Variants in TPRG1 observed in about 807,000 individuals in gnomAD.
TPRG1 encodes tumor protein p63-regulated gene 1 protein.
A neutral mutation model predicts 29.3 loss-of-function variants in TPRG1; 29 were observed. That is an observed-to-expected ratio of 0.99 (90% CI 0.74 to 1.35). The LOEUF (loss-of-function observed/expected upper bound fraction) is 1.35. TPRG1 is among the 40% of genes most tolerant of loss of function. TPRG1 has a pLI of 0.00. For synonymous variants in TPRG1, 130 were observed against 116.8 expected, an observed-to-expected ratio of 1.11 and a Z score of -0.73; for missense variants, 327 against 335.0, an observed-to-expected ratio of 0.98 and a Z score of 0.19.
chr3:189,239,662 G>A lies in TPRG1; in HGVS notation c.479+753G>A, dbSNP rs77313450. 5.6e-3 allele frequency among the ~76,000 whole-genome samples: 849 copies of A among 152,266 alleles called. 3 individuals carry two copies. The highest frequency in any genetic ancestry group is 0.017 in the African/African-American group (714 of 41,566). ...CCAAAGGGGAAGAACATTCCAAAGC[G>A]GTAGCTAAAAAGAGTAATGCCTCTG... On this transcript the variant is annotated intron_variant, in intron 4 of 5. Coordinates refer to ENST00000345063, the MANE Select transcript of TPRG1 (RefSeq NM_198485.4).
intron 3 of TPRG1, among the ~76,000 whole-genome samples, chr3:189,014,169 T>C (rs940623638): frequency 6.6e-6 from 1 of 152,220 alleles, no homozygotes; most frequent in African/African-American, 2.4e-5. Context: ...ATTTAGTGTT[T>C]CTTTCAGAAG....
At chr3:189,278,998 G>A (rs1560642044) in intron 4 of TPRG1, among the ~76,000 whole-genome samples, 1 of 152,200 alleles carries the variant, frequency 6.6e-6, no homozygotes, top group African/African-American at 2.4e-5. Flanking sequence ...TGACATCAGA[G>A]TTGTTCTAGT....
At chr3:189,197,273 T>G (rs1055059385) in intron 1 of TPRG1, among the ~76,000 whole-genome samples, 1 of 152,198 alleles carries the variant, frequency 6.6e-6, no homozygotes, top group Non-Finnish European at 1.5e-5. Flanking sequence ...TCTGCTTCTT[T>G]CTTGTTCATC....
intron 4 of TPRG1, among the ~76,000 whole-genome samples, chr3:189,240,101 G>A (rs1740288430): frequency 6.6e-6 from 1 of 152,020 alleles, no homozygotes; most frequent in South Asian, 2.1e-4. Context: ...AAAAGCACGA[G>A]TTCATCAAGT....
In TPRG1 at chr3:189,019,282, G is replaced by A. The variant is rs1333460550; in HGVS notation, c.-659-4468G>A. Among the ~76,000 whole-genome samples, 9 of 152,020 alleles carry A rather than the reference G, an allele frequency of 5.9e-5. No homozygotes were observed. In the East Asian group the frequency reaches 7.7e-4, roughly 13 times the overall value. Reference sequence around the variant, plus strand: ...TCCAACACTATGTTGAATAGGAGTCGTGAGAGAGGGCATCCCTGTCTTGTG... The same window carrying A: ...TCCAACACTATGTTGAATAGGAGTCATGAGAGAGGGCATCCCTGTCTTGTG... On this transcript the variant is annotated intron_variant, in intron 3 of 10. Transcript: ENST00000433971.
chr3:189,289,200 C>T (rs938123393), intron 4 of TPRG1, among the ~76,000 whole-genome samples: 1 of 152,190 alleles, frequency 6.6e-6, no homozygotes. Context: ...CCTTAAAAAC[C>T]TGCTTCTCTT....
At chr3:189,252,804 TA>T (rs1742499500) in intron 4 of TPRG1, among the ~76,000 whole-genome samples, 1 of 152,182 alleles carries the variant, frequency 6.6e-6, no homozygotes, top group Middle Eastern at 3.2e-3. Flanking sequence ...AGTGCTAAAA[TA>T]AAGTTTTCAT....
intron 5 of TPRG1, among the ~76,000 whole-genome samples, chr3:189,159,132 C>T (rs1175184741): frequency 6.6e-6 from 1 of 152,064 alleles, no homozygotes; most frequent in Admixed American, 6.6e-5. Context: ...TGGGTTTGTG[C>T]CATTTTGTTT....
chr3:189,044,028 T>C (rs944503306), intron 4 of TPRG1, among the ~76,000 whole-genome samples: 3 of 152,136 alleles, frequency 2.0e-5, no homozygotes, highest in African/African-American at 7.2e-5. Context: ...CTGGTGTCTG[T>C]GTCTGCTACA....
At chr3:189,121,167 G>A (rs992663611) in intron 1 of TPRG1, 2 of 152,188 alleles carry the variant, frequency 1.3e-5, no homozygotes. Context: ...AGATAAACCT[G>A]AGAGTTTGTA....
At chr3:189,291,683 C>T (rs1319531037) in intron 4 of TPRG1, among the ~76,000 whole-genome samples, 1 of 152,336 alleles carries the variant, frequency 6.6e-6, no homozygotes, top group East Asian at 1.9e-4. Flanking sequence ...AGCCAAGTCC[C>T]TGTTTTAGTG....
At chr3:189,153,178 T>C (rs1726194668) in intron 5 of TPRG1, among the ~76,000 whole-genome samples, 1 of 152,238 alleles carries the variant, frequency 6.6e-6, no homozygotes, top group South Asian at 2.1e-4. Context: ...TCGTCATCCC[T>C]ATGTATTGAG....
intron 1 of TPRG1, among the ~76,000 whole-genome samples, chr3:189,191,154 G>A (rs2108741384): frequency 6.6e-6 from 1 of 152,140 alleles, no homozygotes; most frequent in African/African-American, 2.4e-5. Context: ...TTTCATATGT[G>A]CACATATCTT....
At chr3:189,169,792 G>T (rs1728592017), upstream of TPRG1, among the ~76,000 whole-genome samples, 1 of 152,170 alleles carries the variant, frequency 6.6e-6, no homozygotes, top group African/African-American at 2.4e-5. Context: ...AACTCCCATT[G>T]CACGGAAGAG....
intron 3 of TPRG1, among the ~76,000 whole-genome samples, chr3:189,017,557 A>G (rs1713016190): frequency 6.6e-6 from 1 of 152,084 alleles, no homozygotes; most frequent in Non-Finnish European, 1.5e-5. Flanking sequence ...AAGGACATGA[A>G]CTCATCATTT....
chr3:189,009,724 C>T (rs1712493463), intron 3 of TPRG1, among the ~76,000 whole-genome samples: 1 of 151,054 alleles, frequency 6.6e-6, no homozygotes, highest in African/African-American at 2.4e-5. Context: ...TAGTATTTAC[C>T]AATAGTGTTA....
chr3:189,024,959 C>T (rs1485513726), intron 4 of TPRG1, among the ~76,000 whole-genome samples: 4 of 152,208 alleles, frequency 2.6e-5, no homozygotes, highest in Non-Finnish European at 5.9e-5. Flanking sequence ...CAGTGGCTGG[C>T]TGGAATTCCA....
intron 4 of TPRG1, among the ~76,000 whole-genome samples, chr3:189,032,556 G>T: frequency 6.6e-6 from 1 of 151,924 alleles, no homozygotes; most frequent in East Asian, 1.9e-4. Context: ...TGCTCCACCA[G>T]TTGGCTATTT....
At chr3:189,110,825 T>A (rs1578388093) in intron 1 of TPRG1, among the ~76,000 whole-genome samples, 2 of 151,926 alleles carry the variant, frequency 1.3e-5, no homozygotes, top group Non-Finnish European at 1.5e-5. Context: ...AGACTACCCT[T>A]TCTTTACTGA....
Sources: allele counts gnomAD v4.1 joint callset (sites outside exome capture counted in the v4.1 genomes callset), GRCh38; gene constraint gnomAD v4.1.1; transcripts MANE v1.5; gene names NCBI Gene and HGNC (gene_info 2026-07-23, HGNC 2026-07-21).